The following BRAT1 variants were observed in gnomAD, a reference collection of about 807,000 sequenced individuals.
BRAT1 encodes integrator complex assembly factor BRAT1.
Under a neutral mutation model 70.6 loss-of-function variants are expected in BRAT1, and 74 were observed. The ratio of observed to expected loss-of-function variants is 1.05; its 90% CI spans 0.87 to 1.27. BRAT1 has a LOEUF of 1.27. BRAT1 is among the 50% of genes most tolerant of loss of function. The probability of loss-of-function intolerance (pLI) is 0.00; values close to 1 mark genes in which losing one functional copy is unlikely to be tolerated. For synonymous variants in BRAT1, 615 were observed against 517.1 expected (o/e 1.19, Z -2.57); for missense variants, 1,203 against 1,098.2 (o/e 1.10, Z -1.35).
At position 2,539,309 on chromosome 7, in the gene BRAT1, GGCACCTCT is replaced by G. The variant is rs1778955995; in HGVS notation, c.1632_1639del (p.Glu545SerfsTer11). Reference sequence around the variant, plus strand: ...CTGGAGGAGCTGCAGGGCCAGCTGAGGCACCTCTGAAGCCAAGAGTGCGCATCTGAAGT... The same window carrying G: ...CTGGAGGAGCTGCAGGGCCAGCTGAGGAAGCCAAGAGTGCGCATCTGAAGT... On this transcript the variant is annotated frameshift_variant, in exon 13 of 14. Transcript: ENST00000340611. LOFTEE classifies it high-confidence loss of function. 1 of 1,611,852 alleles carries G rather than the reference GGCACCTCT, an allele frequency of 6.2e-7. No homozygotes were observed. The highest frequency in any genetic ancestry group is 1.1e-5 in the South Asian group (1 of 91,034).
intron 6 of BRAT1, chr7:2,542,415 A>G: frequency 1.7e-6 from 1 of 597,128 alleles, no homozygotes; most frequent in Non-Finnish European, 3.0e-6. Context: ...TGGGCCTGAC[A>G]CTCCTGATGT....
intron 7 of BRAT1, 51 bp from the exon 8 acceptor site, chr7:2,541,887 A>G (rs1427003176): frequency 1.1e-5 from 17 of 1,581,106 alleles, no homozygotes; most frequent in Non-Finnish European, 1.5e-5. Flanking sequence ...CAGCCTCCCC[A>G]CGGTCACCAG....
intron 2 of BRAT1, among the ~76,000 whole-genome samples, chr7:2,550,915 C>G (rs1779958247): frequency 6.6e-6 from 1 of 152,086 alleles, no homozygotes; most frequent in South Asian, 2.1e-4. Flanking sequence ...TTCCATGGTG[C>G]CACATCTCAC....
At chr7:2,545,694 T>C (rs757309253) in intron 3 of BRAT1, among the ~76,000 whole-genome samples, 13 of 152,114 alleles carry the variant, frequency 8.5e-5, no homozygotes, top group Non-Finnish European at 1.9e-4. Context: ...TTTACCATGT[T>C]GGTTAGCCTG....
intron 13 of BRAT1, 107 bp from the exon 14 acceptor site, chr7:2,538,871 G>A: frequency 3.3e-6 from 5 of 1,520,064 alleles, no homozygotes; most frequent in Non-Finnish European, 4.4e-6. Flanking sequence ...ATGCAGTCTA[G>A]GGCCACAGCC....
Position 2,547,269 on chromosome 7 carries a change from G to A in BRAT1, c.282+55C>T. ...ACAAATGCCCCACCTGGCTGCGGGA[G>A]GAAAAGCCTGCCCACCTCTCCACGG... On this transcript the variant is annotated intron_variant, in intron 3 of 13. Coordinates refer to ENST00000340611, the MANE Select transcript of BRAT1 (RefSeq NM_152743.4). 4 of 1,597,068 alleles carry A rather than the reference G, an allele frequency of 2.5e-6. No individual in the cohort carries two copies. The South Asian group carries it at 3.3e-5, about 13-fold the overall frequency.
Position 2,541,734 on chromosome 7 carries a change from T to C in BRAT1, c.1118A>G (p.Glu373Gly). ...CGCACCTACCAGCGGCTGCAGCTCC[T>C]CCAGGTGAGCCAGGGTGCGGCACAG... is the stretch of plus-strand genomic sequence containing the variant. ...GLLCRTLAHL[E>G]ELQPLPQRPS... Residue 373 changes from glutamate (E) to glycine (G), a missense_variant, in exon 8 of 14, where the codon GAG becomes GGG. Physicochemically the swap from Glu to Gly is moderately conservative, Grantham distance 98. Transcript: ENST00000340611. The C allele has an allele frequency of 6.2e-7, 1 of 1,609,656 alleles. No homozygotes were observed. Among genetic ancestry groups the C allele is most frequent in the Non-Finnish European group, 8.5e-7 (1 of 1,178,996 alleles).
Position 2,555,171 on chromosome 7 carries a change from G to T in BRAT1, c.-17+316C>A, listed in dbSNP as rs1266823939. Among the ~76,000 whole-genome samples the T allele has an allele frequency of 2.6e-5, 4 of 151,904 alleles. No homozygotes were observed. In the East Asian group the frequency reaches 7.7e-4, roughly 29 times the overall value. On this transcript the variant is annotated intron_variant, in intron 1 of 13. Transcript: ENST00000340611. ...CCCAGGACCAGGTGTGCATCCGTGCGTCCAGCCTCGGGGGTGGGCGGGGTG... is the reference window on the plus strand; with the variant it reads ...CCCAGGACCAGGTGTGCATCCGTGCTTCCAGCCTCGGGGGTGGGCGGGGTG...
rs535969254 is a variant in BRAT1 at position 2,539,623 on chromosome 7, C to T, written c.1518G>A (p.Gln506=). 8.2e-6 allele frequency: 13 copies of T among 1,594,864 alleles called. No homozygotes were observed. In the South Asian group the frequency reaches 1.4e-4, roughly 17 times the overall value. Residue 506 remains glutamine (Q), a synonymous_variant, in exon 12 of 14, where the codon CAG becomes CAA. Coordinates refer to ENST00000340611, the MANE Select transcript of BRAT1 (RefSeq NM_152743.4). ...CCCAGCAGGGGTGGCACAGGCGTTT[C>T]TGCAGCACAGGGAACAGCTCTAGGG... is the stretch of plus-strand genomic sequence containing the variant. ...QFLRELFPVL[Q]KRLCHPCWEV...
intron 6 of BRAT1, 173 bp from the exon 7 acceptor site, chr7:2,542,384 G>A: frequency 3.2e-6 from 2 of 632,428 alleles, no homozygotes; most frequent in South Asian, 3.7e-5. Context: ...GTGGCGGGGA[G>A]GACAGGCCTG....
At chr7:2,553,588 T>C (rs575634078) in intron 2 of BRAT1, among the ~76,000 whole-genome samples, 2 of 152,220 alleles carry the variant, frequency 1.3e-5, no homozygotes, top group East Asian at 1.9e-4. Flanking sequence ...AATTAAAACG[T>C]TGATGGTTTA....
chr7:2,554,497 C>T, intron 1 of BRAT1, 50 bp from the exon 2 acceptor site: 1 of 1,552,278 alleles, frequency 6.4e-7, no homozygotes, highest in Non-Finnish European at 8.7e-7. Context: ...CCAGACCCAG[C>T]TCGCTCTAGT....
chr7:2,548,028 G>A (rs1017408591), intron 2 of BRAT1, among the ~76,000 whole-genome samples: 3 of 150,056 alleles, frequency 2.0e-5, no homozygotes, highest in African/African-American at 4.9e-5. Flanking sequence ...AGGCTGCAGT[G>A]AGCCAAGACC....
rs1413033056 is a variant in BRAT1, at chr7:2,541,800, ACCGTCGTGGCATCGTCTG to A, written c.1034_1051del (p.Ala345_Thr350del). On this transcript the variant is annotated inframe_deletion, in exon 8 of 14. Coordinates refer to ENST00000340611, the MANE Select transcript of BRAT1 (RefSeq NM_152743.4). ...CGACTTGGAGGCCAGGAGTGTGTCC[ACCGTCGTGGCATCGTCTG>A]CCGTCCCGTCCAGCAAGCCTGGGGG... 1.2e-6 allele frequency: 2 copies of A among 1,612,770 alleles called. No individual in the cohort carries two copies. Among genetic ancestry groups the A allele is most frequent in the East Asian group, 2.2e-5 (1 of 44,876 alleles).
chr7:2,542,950 G>A lies in BRAT1; in HGVS notation c.923+254C>T, dbSNP rs34108550. 0.13 allele frequency: 41,958 copies of A among 323,154 alleles called. 3,464 individuals carry two copies. Among genetic ancestry groups the A allele is most frequent in the Admixed American group, 0.17 (3,456 of 20,478 alleles). The allele number at this position is 323,154 out of a possible 1,614,324, so 20.0% of individuals were successfully genotyped here. ...GGCGTCGGCAGGACCACCCTGCTCT[G>A]AGCAGAGCAGCTCCCGCATCCTTCT... On this transcript the variant is annotated intron_variant, in intron 6 of 13. Transcript: ENST00000340611.
chr7:2,539,516 G>A (rs1778976393), intron 12 of BRAT1, 28 bp downstream of exon 12: 1 of 1,532,730 alleles, frequency 6.5e-7, no homozygotes, highest in Non-Finnish European at 8.8e-7. Flanking sequence ...AGGCGGGGAA[G>A]GCAGCCCCTC....
chr7:2,544,950 A>G lies in BRAT1; in HGVS notation c.389T>C (p.Leu130Pro), dbSNP rs1234481462. The change falls in exon 4 of 14, where the codon CTG (leucine) becomes CCG (proline). Residue 130 changes from leucine (L) to proline (P), a missense_variant. Physicochemically the swap from Leu to Pro is moderately conservative, Grantham distance 98. Transcript: ENST00000340611. Reference protein sequence around the residue: ...RSGWIQGLRSLAQHPSALRFL... With the variant: ...RSGWIQGLRSPAQHPSALRFL... ...GCGCAGGGCGCTGGGGTGCTGTGCC[A>G]GGGAGCGCAGGCCCTGGATCCAGCC... 3.8e-6 allele frequency: 6 copies of G among 1,558,540 alleles called. No homozygotes were observed. Among genetic ancestry groups the G allele is most frequent in the Non-Finnish European group, 4.3e-6 (5 of 1,151,506 alleles).
chr7:2,541,828 C>G lies in BRAT1; in HGVS notation c.1024G>C (p.Asp342His). ...VQAPGPPGLL[D>H]GTADDATTVD... ...GTCGTGGCATCGTCTGCCGTCCCGT[C>G]CAGCAAGCCTGGGGGCCAAGCCAGG... The change falls in exon 8 of 14, where the codon GAC becomes CAC. Residue 342 changes from aspartate to histidine, a missense_variant. Coordinates refer to ENST00000340611, the MANE Select transcript of BRAT1 (RefSeq NM_152743.4). 1 of 1,612,790 alleles carries G rather than the reference C, an allele frequency of 6.2e-7. No homozygotes were observed. Among genetic ancestry groups the G allele is most frequent in the Non-Finnish European group, 8.5e-7 (1 of 1,179,834 alleles).
intron 2 of BRAT1, among the ~76,000 whole-genome samples, chr7:2,551,056 A>G (rs1279619007): frequency 6.6e-6 from 1 of 152,170 alleles, no homozygotes; most frequent in African/African-American, 2.4e-5. Flanking sequence ...CCTGGCCAAC[A>G]TGATGAAATC....
Sources: allele counts gnomAD v4.1 joint callset (sites outside exome capture counted in the v4.1 genomes callset), GRCh38; gene constraint gnomAD v4.1.1; transcripts MANE v1.5; gene names NCBI Gene and HGNC (gene_info 2026-07-23, HGNC 2026-07-21).